Variants in UBR3 observed in about 807,000 individuals in gnomAD.
UBR3 encodes E3 ubiquitin-protein ligase UBR3.
In UBR3, 85 loss-of-function variants were observed where a neutral mutation model predicts 243.2. The observed-to-expected ratio is 0.35, with a 90% CI of 0.29 to 0.42. The LOEUF is 0.42. Ranked by LOEUF, UBR3 falls within the 10% of genes least tolerant of loss-of-function variation. UBR3 has a pLI of 1.00. For missense variants in UBR3, 1,686 were observed against 2,300.8 expected (o/e 0.73, Z 5.47); for synonymous variants, 748 against 799.8 (o/e 0.94, Z 1.09).
At chr2:170,058,685 T>C (rs1419476261) in intron 33 of UBR3, among the ~76,000 whole-genome samples, 2 of 152,004 alleles carry the variant, frequency 1.3e-5, no homozygotes, top group Non-Finnish European at 2.9e-5. Flanking sequence ...CTGGCTAACT[T>C]TCCCATTTTT....
At chr2:169,910,669 A>G (rs1418683406) in intron 10 of UBR3, among the ~76,000 whole-genome samples, 1 of 152,122 alleles carries the variant, frequency 6.6e-6, no homozygotes, top group Non-Finnish European at 1.5e-5. Context: ...CTTCGTGAGC[A>G]CTTACACTAT....
At chr2:170,040,775 G>T in intron 31 of UBR3, 107 bp from the exon 32 acceptor site, 4 of 886,452 alleles carry the variant, frequency 4.5e-6, no homozygotes, top group East Asian at 2.8e-5. Context: ...TCTTCTTTGT[G>T]TATTAAAGTT....
chr2:169,928,552 A>G (rs552242247), intron 17 of UBR3, among the ~76,000 whole-genome samples, 175 bp from the exon 18 acceptor site: 1 of 152,316 alleles, frequency 6.6e-6, no homozygotes, highest in African/African-American at 2.4e-5. Context: ...AAAAATCACA[A>G]TTAAAAACAG....
At chr2:169,871,743 C>CAAAAA (rs562559554) in intron 1 of UBR3, among the ~76,000 whole-genome samples, 3 of 95,028 alleles carry the variant, frequency 3.2e-5, no homozygotes, top group South Asian at 3.6e-4. Flanking sequence ...CCAAGACTCT[C>CAAAAA]AAAAAAAAAA....
intron 23 of UBR3, among the ~76,000 whole-genome samples, chr2:169,955,264 T>C (rs2087225896): frequency 6.7e-6 from 1 of 150,080 alleles, no homozygotes; most frequent in South Asian, 2.1e-4. Context: ...AGAGATACTA[T>C]GAGATATTGT....
intron 36 of UBR3, among the ~76,000 whole-genome samples, chr2:170,078,478 G>A (rs2105461481): frequency 6.6e-6 from 1 of 152,230 alleles, no homozygotes; most frequent in Middle Eastern, 3.4e-3. Context: ...CATTCCAATT[G>A]TGAAAAAGGT....
At chr2:169,902,279 T>A (rs2105331564) in intron 8 of UBR3, among the ~76,000 whole-genome samples, 1 of 152,328 alleles carries the variant, frequency 6.6e-6, no homozygotes, top group African/African-American at 2.4e-5. Flanking sequence ...ACCATGGCCA[T>A]CTCTAAGCCT....
chr2:169,877,454 A>G lies in UBR3; in HGVS notation c.845-40A>G, dbSNP rs181996814. ...TGAAAAGACCATACTGAGATTTTGA[A>G]TGGAATATTTTTTTCTGATTTGAAG... On this transcript the variant is annotated intron_variant, in intron 3 of 38. Coordinates refer to ENST00000272793, the MANE Select transcript of UBR3 (RefSeq NM_172070.4). 7 of 1,499,296 alleles carry G rather than the reference A, an allele frequency of 4.7e-6. No homozygotes were observed. The South Asian group carries it at 6.5e-5, about 14-fold the overall frequency. The allele number at this position is 1,499,296 out of a possible 1,614,324, so 92.9% of individuals were successfully genotyped here. A position where few individuals can be genotyped will look rare whatever the true frequency, so the allele number is the denominator to read the frequency against.
At chr2:170,063,679 CA>C (rs1210920379) in intron 35 of UBR3, among the ~76,000 whole-genome samples, 1 of 152,168 alleles carries the variant, frequency 6.6e-6, no homozygotes, top group African/African-American at 2.4e-5. Flanking sequence ...CTACTAGGAA[CA>C]TAAATCATCT....
At chr2:169,881,887 G>GTA in intron 5 of UBR3, among the ~76,000 whole-genome samples, 1 of 124,694 alleles carries the variant, frequency 8.0e-6, no homozygotes, top group Non-Finnish European at 1.6e-5. Context: ...AGGTATATGT[G>GTA]TACATGTATA....
chr2:169,907,876 A>T (rs1374843730), intron 10 of UBR3, among the ~76,000 whole-genome samples: 1 of 151,818 alleles, frequency 6.6e-6, no homozygotes, highest in African/African-American at 2.4e-5. Context: ...GGTTCAAGCG[A>T]TTCTTCTGCC....
At chr2:169,919,277 AG>A (rs2085594137) in intron 11 of UBR3, among the ~76,000 whole-genome samples, 1 of 152,230 alleles carries the variant, frequency 6.6e-6, no homozygotes, top group Non-Finnish European at 1.5e-5. Flanking sequence ...AAGAAGTTCA[AG>A]GTTAAATTAA....
At chr2:170,062,295 T>C (rs1388126088) in intron 35 of UBR3, among the ~76,000 whole-genome samples, 1 of 152,232 alleles carries the variant, frequency 6.6e-6, no homozygotes, top group Non-Finnish European at 1.5e-5. Context: ...TCCTGACTTA[T>C]CTGCCATTCA....
intron 1 of UBR3, among the ~76,000 whole-genome samples, chr2:169,840,129 T>C (rs1173321349): frequency 1.3e-5 from 2 of 152,196 alleles, no homozygotes; most frequent in African/African-American, 2.4e-5. Context: ...AGTCTGCTTT[T>C]AGCTTCCCTA....
rs547194389 is a variant in UBR3, at chr2:169,934,844, C to T, written c.2663+1836C>T. On this transcript the variant is annotated intron_variant, in intron 19 of 38. Coordinates refer to ENST00000272793, the MANE Select transcript of UBR3 (RefSeq NM_172070.4). ...GTTTGCTTTATGTGATGCTTAGATG[C>T]TTAGAATTTTAGGCTCTTATTGCTG... 8.5e-5 allele frequency among the ~76,000 whole-genome samples: 13 copies of T among 152,242 alleles called. No individual in the cohort carries two copies. The East Asian group carries it at 1.9e-3, about 23-fold the overall frequency.
intron 3 of UBR3, 93 bp downstream of exon 3, chr2:169,876,042 A>T: frequency 1.9e-6 from 2 of 1,070,732 alleles, no homozygotes; most frequent in Non-Finnish European, 2.5e-6. Context: ...AAATTGTAGA[A>T]TTTTCATAGA....
intron 24 of UBR3, among the ~76,000 whole-genome samples, chr2:169,965,206 A>G (rs1246935191): frequency 6.6e-6 from 1 of 152,206 alleles, no homozygotes; most frequent in African/African-American, 2.4e-5. Context: ...TTTGTACTAT[A>G]GTATTATTAA....
At chr2:170,025,199 TGTC>T (rs1332523618) in intron 30 of UBR3, among the ~76,000 whole-genome samples, 1 of 152,196 alleles carries the variant, frequency 6.6e-6, no homozygotes, top group Non-Finnish European at 1.5e-5. Context: ...AAGACACAAT[TGTC>T]TTCTTCAGGG....
intron 33 of UBR3, among the ~76,000 whole-genome samples, chr2:170,056,688 G>A (rs540939012): frequency 2.2e-4 from 33 of 152,212 alleles, no homozygotes; most frequent in African/African-American, 7.5e-4. Flanking sequence ...TGTATCAAAG[G>A]AGAGAAAACC....
Sources: allele counts gnomAD v4.1 joint callset (sites outside exome capture counted in the v4.1 genomes callset), GRCh38; gene constraint gnomAD v4.1.1; transcripts MANE v1.5; gene names NCBI Gene and HGNC (gene_info 2026-07-23, HGNC 2026-07-21).